Variants in PTPN4 observed in about 807,000 individuals in gnomAD.
PTPN4 encodes protein tyrosine phosphatase non-receptor type 4, also known as tyrosine-protein phosphatase non-receptor type 4.
In PTPN4, 49 loss-of-function variants were observed where a neutral mutation model predicts 135.5. The ratio of observed to expected loss-of-function variants is 0.36; its 90% confidence interval spans 0.29 to 0.46. PTPN4 has a LOEUF of 0.46. Among genes scored for constraint, PTPN4 ranks in the 20% least tolerant of loss-of-function variants. The probability of loss-of-function intolerance (pLI) is 1.00; values close to 1 mark genes in which losing one functional copy is unlikely to be tolerated. For synonymous variants in PTPN4, 333 were observed against 369.9 expected, an observed-to-expected ratio of 0.90 and a Z score of 1.14; for missense variants, 860 against 1,101.0, an observed-to-expected ratio of 0.78 and a Z score of 3.10.
intron 1 of PTPN4, among the ~76,000 whole-genome samples, chr2:119,808,018 T>C (rs1430116481): frequency 6.6e-6 from 1 of 152,158 alleles, no homozygotes; most frequent in Non-Finnish European, 1.5e-5. Flanking sequence ...TTTGACAAAA[T>C]TCAACAGCCT....
At chr2:119,834,871 G>A (rs1005715544) in intron 2 of PTPN4, among the ~76,000 whole-genome samples, 13 of 152,134 alleles carry the variant, frequency 8.5e-5, no homozygotes, top group Admixed American at 2.6e-4. Flanking sequence ...ACAGTGTCTG[G>A]CAATAGTAAG....
intron 1 of PTPN4, among the ~76,000 whole-genome samples, chr2:119,795,389 G>A (rs1354554831): frequency 6.6e-6 from 1 of 152,252 alleles, no homozygotes; most frequent in African/African-American, 2.4e-5. Context: ...TTGTGCCAAG[G>A]GGCGCCTGCA....
At chr2:119,842,878 T>G (rs997171424) in intron 2 of PTPN4, among the ~76,000 whole-genome samples, 4 of 151,432 alleles carry the variant, frequency 2.6e-5, no homozygotes, top group Non-Finnish European at 4.4e-5. Flanking sequence ...GTGTGTGTAT[T>G]TGCATGGATG....
chr2:119,929,493 A>G (rs986504102), intron 13 of PTPN4, among the ~76,000 whole-genome samples: 1 of 152,102 alleles, frequency 6.6e-6, no homozygotes, highest in Admixed American at 6.5e-5. Flanking sequence ...AGCAGCACAT[A>G]TACTGATTAT....
At chr2:119,877,185 G>T in intron 3 of PTPN4, 138 bp from the exon 4 acceptor site, 1 of 735,896 alleles carries the variant, frequency 1.4e-6, no homozygotes, top group Non-Finnish European at 2.1e-6. Flanking sequence ...TGTCTGTAAT[G>T]CAATGATTTT....
At chr2:119,838,006 G>T (rs1032957207) in intron 2 of PTPN4, among the ~76,000 whole-genome samples, 1 of 152,240 alleles carries the variant, frequency 6.6e-6, no homozygotes, top group African/African-American at 2.4e-5. Flanking sequence ...AATCCAGGCC[G>T]GTAGCGCGAG....
At chr2:119,871,354 T>C (rs1336049590) in intron 3 of PTPN4, among the ~76,000 whole-genome samples, 1 of 151,970 alleles carries the variant, frequency 6.6e-6, no homozygotes, top group Admixed American at 6.6e-5. Flanking sequence ...CTATTTTTAA[T>C]AGGAAATAGT....
At chr2:119,775,153 A>G (rs572749650) in intron 1 of PTPN4, among the ~76,000 whole-genome samples, 22 of 146,506 alleles carry the variant, frequency 1.5e-4, no homozygotes, top group African/African-American at 5.5e-4. Context: ...TTAGTAAGAG[A>G]GAAGTGAGCA....
chr2:119,841,341 A>G (rs544684309), intron 2 of PTPN4, among the ~76,000 whole-genome samples: 2 of 152,256 alleles, frequency 1.3e-5, no homozygotes, highest in East Asian at 3.9e-4. Context: ...ACATACATGT[A>G]TGTGTCTATG....
intron 1 of PTPN4, among the ~76,000 whole-genome samples, chr2:119,774,009 T>C (rs115356178): frequency 4.6e-5 from 7 of 152,214 alleles, no homozygotes; most frequent in Non-Finnish European, 7.3e-5. Flanking sequence ...ACCACCTCTA[T>C]TTCTAGTGAG....
Position 119,957,073 on chromosome 2 carries a change from T to C in PTPN4, c.2129T>C (p.Ile710Thr). The change falls in exon 22 of 27, where the codon ATA becomes ACA. Residue 710 changes from isoleucine (I) to threonine (T), a missense_variant. Ile to Thr is a moderately conservative substitution (Grantham distance 89). Coordinates refer to ENST00000263708, the MANE Select transcript of PTPN4 (RefSeq NM_002830.4). The part of the protein sequence containing the change: ...GNEDYINANY[I>T]NMEIPSSSII... ...GAAGACTACATCAATGCGAACTATA[T>C]AAATGTAAGTTTATTCTTATTATGC... 2 of 1,606,430 alleles carry C rather than the reference T, an allele frequency of 1.2e-6. No individual in the cohort carries two copies. Among genetic ancestry groups the C allele is most frequent in the South Asian group, 1.1e-5 (1 of 89,554 alleles).
chr2:119,815,899 A>G (rs1461108772), intron 2 of PTPN4, among the ~76,000 whole-genome samples: 2 of 152,226 alleles, frequency 1.3e-5, no homozygotes, highest in African/African-American at 4.8e-5. Flanking sequence ...TCTTCATTAT[A>G]TAACTCAATG....
chr2:119,773,082 G>T (rs1558720883), intron 1 of PTPN4, among the ~76,000 whole-genome samples: 1 of 152,106 alleles, frequency 6.6e-6, no homozygotes, highest in Non-Finnish European at 1.5e-5. Context: ...TTTCTTTTTG[G>T]TGGTAATGTA....
At chr2:119,965,951 T>G (rs1574424695) in intron 25 of PTPN4, among the ~76,000 whole-genome samples, 1 of 152,304 alleles carries the variant, frequency 6.6e-6, no homozygotes, top group East Asian at 1.9e-4. Flanking sequence ...GTGGGCTGTC[T>G]TAGTCCATTT....
Position 119,952,101 on chromosome 2 carries a change from G to A in PTPN4, c.1785G>A (p.Gly595=). The A allele has an allele frequency of 1.2e-6, 2 of 1,612,946 alleles. No homozygotes were observed. Among genetic ancestry groups the A allele is most frequent in the Non-Finnish European group, 8.5e-7 (1 of 1,179,184 alleles). The change falls in exon 19 of 27, where the codon GGG becomes GGA. Residue 595 remains glycine (G), a synonymous_variant. Coordinates refer to ENST00000263708, the MANE Select transcript of PTPN4 (RefSeq NM_002830.4). ...FIKASCERHS[G]ELMLLVRPNA... Reference sequence around the variant, plus strand: ...AAGCTAGTTGTGAGAGACATTCTGGGGAACTCATGCTTCTAGTTCGACCTA... The same window carrying A: ...AAGCTAGTTGTGAGAGACATTCTGGAGAACTCATGCTTCTAGTTCGACCTA...
At chr2:119,805,532 A>G (rs1044033004) in intron 1 of PTPN4, among the ~76,000 whole-genome samples, 7 of 152,140 alleles carry the variant, frequency 4.6e-5, no homozygotes, top group African/African-American at 7.2e-5. Flanking sequence ...TCCCAGCACC[A>G]TTTATTAAAT....
intron 9 of PTPN4, among the ~76,000 whole-genome samples, chr2:119,892,419 G>C (rs1574390786): frequency 6.6e-6 from 1 of 152,108 alleles, no homozygotes; most frequent in Non-Finnish European, 1.5e-5. Flanking sequence ...AATTAAGCAG[G>C]TCATACATCA....
chr2:119,815,489 C>T (rs899894202), intron 2 of PTPN4, among the ~76,000 whole-genome samples: 3 of 152,108 alleles, frequency 2.0e-5, no homozygotes, highest in East Asian at 1.9e-4. Flanking sequence ...GCATATATAA[C>T]GTTTTCATCC....
At position 119,982,893 on chromosome 2, in the gene PTPN4, G is replaced by T. The variant is rs59924451; in HGVS notation, c.*5823G>T. The T allele has an allele frequency of 0.029, 4,354 of 152,182 alleles. 204 individuals carry two copies. Among genetic ancestry groups the T allele is most frequent in the African/African-American group, 0.099 (4,119 of 41,486 alleles). The allele number at this position is 152,182 out of a possible 1,614,324, so 9.4% of individuals were successfully genotyped here. A position where few individuals can be genotyped will look rare whatever the true frequency, so the allele number is the denominator to read the frequency against. On this transcript the variant is annotated 3_prime_UTR_variant, in exon 27 of 27. Transcript: ENST00000263708. ...GAATTGTAGCAGTGATGTCTTATATGCTTACGAGTTTATATTAATTCAGCT... is the reference window on the plus strand; with the variant it reads ...GAATTGTAGCAGTGATGTCTTATATTCTTACGAGTTTATATTAATTCAGCT...
Sources: gnomAD v4.1 joint callset for allele counts (sites outside exome capture counted in the v4.1 genomes callset) on GRCh38, gnomAD v4.1.1 for gene constraint, MANE v1.5 for transcripts, NCBI Gene and HGNC (gene_info 2026-07-23, HGNC 2026-07-21) for gene names.